The following CCDC146 variants were observed in gnomAD, a reference collection of about 807,000 sequenced individuals.
CCDC146 encodes the protein coiled-coil domain containing 146.
In CCDC146, 92 loss-of-function variants were observed where a neutral mutation model predicts 119.3. That is an observed-to-expected ratio of 0.77 (90% CI 0.65 to 0.92). The LOEUF (loss-of-function observed/expected upper bound fraction) is 0.92. Ranked by LOEUF, CCDC146 falls within the 40% of genes least tolerant of loss-of-function variation. The pLI, the probability that CCDC146 is intolerant of heterozygous loss-of-function variation, is 0.00. For missense variants in CCDC146, 1,000 were observed against 1,103.0 expected (o/e 0.91, Z 1.32); for synonymous variants, 372 against 371.8 (o/e 1.00, Z -0.01).
intron 2 of CCDC146, among the ~76,000 whole-genome samples, chr7:77,168,353 AG>A (rs1584037879): frequency 6.6e-6 from 1 of 151,228 alleles, no homozygotes; most frequent in African/African-American, 2.4e-5. Flanking sequence ...ATATGAGGAG[AG>A]TTTTTTTTTT....
At chr7:77,233,319 C>G (rs151057034) in intron 2 of CCDC146, among the ~76,000 whole-genome samples, 1 of 151,760 alleles carries the variant, frequency 6.6e-6, no homozygotes, top group African/African-American at 2.4e-5. Flanking sequence ...CTCAAACTCC[C>G]GACCTCAGGT....
chr7:77,216,306 C>A (rs1395974125), intron 2 of CCDC146, among the ~76,000 whole-genome samples: 1 of 152,146 alleles, frequency 6.6e-6, no homozygotes, highest in Non-Finnish European at 1.5e-5. Flanking sequence ...TGTCCGCCCC[C>A]AGATGGTGTT....
intron 1 of CCDC146, among the ~76,000 whole-genome samples, chr7:77,142,867 A>G (rs1790957278): frequency 6.6e-6 from 1 of 151,806 alleles, no homozygotes; most frequent in South Asian, 2.1e-4. Flanking sequence ...TAGGGCTGCA[A>G]TAAACATATG....
chr7:77,199,734 C>CA, intron 2 of CCDC146: 1 of 1,614,040 alleles, frequency 6.2e-7, no homozygotes, highest in South Asian at 1.1e-5. Context: ...TTGCCACAAC[C>CA]AAAAAACCGT....
intron 2 of CCDC146, among the ~76,000 whole-genome samples, chr7:77,224,544 G>A (rs1324800696): frequency 2.0e-5 from 3 of 152,226 alleles, no homozygotes; most frequent in Non-Finnish European, 2.9e-5. Flanking sequence ...TGTGAAGAAA[G>A]CCATCCACAG....
intron 13 of CCDC146, 141 bp downstream of exon 13, chr7:77,279,242 T>C: frequency 1.6e-6 from 1 of 610,544 alleles, no homozygotes; most frequent in Non-Finnish European, 2.7e-6. Context: ...CCAGCCTGGG[T>C]GACAGAATGA....
chr7:77,137,370 C>T (rs909243004), intron 1 of CCDC146, among the ~76,000 whole-genome samples: 8 of 145,616 alleles, frequency 5.5e-5, no homozygotes, highest in Admixed American at 3.4e-4. Flanking sequence ...TCAACAACAA[C>T]AAAAAACTCC....
At chr7:77,171,855 G>T (rs1027726319) in intron 2 of CCDC146, among the ~76,000 whole-genome samples, 1 of 152,194 alleles carries the variant, frequency 6.6e-6, no homozygotes, top group African/African-American at 2.4e-5. Flanking sequence ...AAAGATTAAG[G>T]TTTGTTTTGC....
chr7:77,281,098 G>A (rs929297503), intron 14 of CCDC146, among the ~76,000 whole-genome samples: 34 of 138,066 alleles, frequency 2.5e-4, no homozygotes, highest in Non-Finnish European at 4.1e-4. Context: ...GCAAGACTCC[G>A]TCTCCAAAAA....
chr7:77,273,914 G>A, intron 10 of CCDC146, 125 bp downstream of exon 10: 1 of 520,460 alleles, frequency 1.9e-6, no homozygotes, highest in South Asian at 3.9e-5. Context: ...CCTGCTTCAT[G>A]TGGGCATATT....
chr7:77,187,083 T>G (rs1042499806), intron 2 of CCDC146, among the ~76,000 whole-genome samples: 5 of 152,200 alleles, frequency 3.3e-5, no homozygotes, highest in African/African-American at 1.2e-4. Flanking sequence ...CAGGCCATAT[T>G]TAGTTTGCTT....
chr7:77,130,818 C>T (rs10240854), intron 1 of CCDC146, among the ~76,000 whole-genome samples: 5,546 of 150,428 alleles, frequency 0.037, 374 homozygotes, highest in African/African-American at 0.13. Flanking sequence ...AGGATGGTCT[C>T]GATCTCCTGA....
At chr7:77,211,763 G>C (rs1288108038) in intron 2 of CCDC146, among the ~76,000 whole-genome samples, 2 of 152,006 alleles carry the variant, frequency 1.3e-5, no homozygotes, top group Non-Finnish European at 2.9e-5. Context: ...TTACAGGCGT[G>C]CTTTTCCATG....
At chr7:77,254,142 G>T (rs7811423) in intron 4 of CCDC146, among the ~76,000 whole-genome samples, 8,719 of 152,238 alleles carry the variant, frequency 0.057, 675 homozygotes, top group African/African-American at 0.18. Flanking sequence ...GTAGGAGATC[G>T]ATTGGGAGGC....
chr7:77,202,554 G>A (rs1461507153), intron 2 of CCDC146, among the ~76,000 whole-genome samples: 1 of 152,150 alleles, frequency 6.6e-6, no homozygotes, highest in Non-Finnish European at 1.5e-5. Context: ...TGACATAAGG[G>A]TAGAGAACTC....
At chr7:77,282,912 C>T (rs1398757691) in intron 15 of CCDC146, 127 bp downstream of exon 15, 1 of 656,036 alleles carries the variant, frequency 1.5e-6, no homozygotes, top group Non-Finnish European at 2.7e-6. Flanking sequence ...ATCCATCCAT[C>T]TTGTTTAAAA....
chr7:77,181,518 A>C (rs1402975277), intron 2 of CCDC146, among the ~76,000 whole-genome samples: 1 of 152,242 alleles, frequency 6.6e-6, no homozygotes, highest in Non-Finnish European at 1.5e-5. Context: ...AGCGGTAACT[A>C]TGCAGAAGCT....
rs1376790627 is a variant in CCDC146 at position 77,282,513 on chromosome 7, G to A, written c.1920-44G>A. ...GAACCACAATGACTAGTAAAACGGT[G>A]GTCTCAATGCCCACTTAGCCTCTGC... is the stretch of plus-strand genomic sequence containing the variant. On this transcript the variant is annotated intron_variant, in intron 14 of 18. Transcript: ENST00000285871. The A allele has an allele frequency of 3.7e-6, 5 of 1,336,338 alleles. No individual in the cohort carries two copies. In the Admixed American group the frequency reaches 1.1e-4, roughly 28 times the overall value. 82.8% of individuals were successfully genotyped at this position (1,336,338 alleles called of 1,614,324 possible).
chr7:77,243,049 G>A (rs891643097), intron 4 of CCDC146, among the ~76,000 whole-genome samples: 5 of 152,296 alleles, frequency 3.3e-5, no homozygotes, highest in Admixed American at 2.6e-4. Context: ...CTCTGTAAGT[G>A]CTCTTTCAGT....
Sources: allele counts gnomAD v4.1 joint callset (sites outside exome capture counted in the v4.1 genomes callset), GRCh38; gene constraint gnomAD v4.1.1; transcripts MANE v1.5; gene names NCBI Gene and HGNC (gene_info 2026-07-23, HGNC 2026-07-21).